The following PCDHGA7 variants were observed in gnomAD, a reference collection of about 807,000 sequenced individuals.
The protein encoded by PCDHGA7 is protocadherin gamma-A7.
A neutral mutation model predicts 58.3 loss-of-function variants in PCDHGA7; 44 were observed. That is an observed-to-expected ratio of 0.75 (90% CI 0.59 to 0.97). PCDHGA7 has a LOEUF of 0.97. Among genes scored for constraint, PCDHGA7 ranks in the 50% least tolerant of loss-of-function variants. The pLI, the probability that PCDHGA7 is intolerant of heterozygous loss-of-function variation, is 0.00. For missense variants in PCDHGA7, 1,266 were observed against 1,188.7 expected (o/e 1.06, Z -0.96); for synonymous variants, 516 against 504.2 (o/e 1.02, Z -0.31).
chr5:141,410,101 C>T, intron 1 of PCDHGA7: 1 of 1,612,490 alleles, frequency 6.2e-7, no homozygotes, highest in African/African-American at 1.3e-5. Flanking sequence ...GAGCCTTAGG[C>T]GACAGGGACG....
At chr5:141,414,861 T>C in intron 1 of PCDHGA7, 1 of 1,614,118 alleles carries the variant, frequency 6.2e-7, no homozygotes, top group Admixed American at 1.7e-5. Context: ...AGAACGACAA[T>C]GCGCCCGAGA....
chr5:141,482,923 AT>A (rs1193255251), intron 1 of PCDHGA7, among the ~76,000 whole-genome samples: 10 of 152,074 alleles, frequency 6.6e-5, no homozygotes, highest in Non-Finnish European at 1.5e-4. Context: ...AATACAAAAA[AT>A]TAGCCAGGTG....
intron 1 of PCDHGA7, chr5:141,424,652 G>T (rs1392693867): frequency 6.6e-6 from 1 of 152,120 alleles, no homozygotes; most frequent in East Asian, 1.9e-4. Context: ...AAGGTATTTG[G>T]ACTTTAATTA....
intron 1 of PCDHGA7, chr5:141,403,939 G>C: frequency 6.2e-7 from 1 of 1,613,852 alleles, no homozygotes; most frequent in Non-Finnish European, 8.5e-7. Context: ...GATTGAAAGG[G>C]TGGACAAAAG....
chr5:141,426,513 CG>C, intron 1 of PCDHGA7: 1 of 341,148 alleles, frequency 2.9e-6, no homozygotes, highest in Non-Finnish European at 5.8e-6. Flanking sequence ...AATACTTTAC[CG>C]TGAACACGGA....
intron 1 of PCDHGA7, among the ~76,000 whole-genome samples, chr5:141,475,511 A>T (rs1240718716): frequency 6.6e-6 from 1 of 152,240 alleles, no homozygotes; most frequent in African/African-American, 2.4e-5. Context: ...TAATGTCTCC[A>T]CGGAAATGCT....
chr5:141,458,888 T>C (rs756640295), intron 1 of PCDHGA7, among the ~76,000 whole-genome samples: 3 of 152,118 alleles, frequency 2.0e-5, no homozygotes, highest in Non-Finnish European at 2.9e-5. Flanking sequence ...ATGCACACCA[T>C]GCGCAGCTAA....
chr5:141,454,956 G>A (rs62379171), intron 1 of PCDHGA7, among the ~76,000 whole-genome samples: 5,077 of 149,940 alleles, frequency 0.034, 97 homozygotes, highest in Middle Eastern at 0.091. Context: ...TACAGGCGCC[G>A]GCCACCACGC....
chr5:141,400,465 T>G (rs769092002), intron 1 of PCDHGA7: 2 of 1,614,060 alleles, frequency 1.2e-6, no homozygotes, highest in Admixed American at 1.7e-5. Context: ...TTGTGGTGAT[T>G]CATCTGGGGC....
In PCDHGA7 at chr5:141,431,570, G is replaced by A. The variant is rs754760314; in HGVS notation, c.2424+46247G>A. 7 of 1,614,172 alleles carry A rather than the reference G, an allele frequency of 4.3e-6. No individual in the cohort carries two copies. Among genetic ancestry groups the A allele is most frequent in the Non-Finnish European group, 5.9e-6 (7 of 1,180,024 alleles). ...TGTAGTCAACGCTACCGACCCTGAC[G>A]AAGGAGTCAATGCGGAAGTGAGGTA... On this transcript the variant is annotated intron_variant, in intron 1 of 3. Transcript: ENST00000518325. The surrounding 1 kb of genome is among the most constrained non-coding windows in gnomAD (Gnocchi z 4.8).
intron 1 of PCDHGA7, among the ~76,000 whole-genome samples, chr5:141,387,464 C>T (rs2240699): frequency 0.55 from 83,096 of 152,122 alleles, 25,275 homozygotes; most frequent in African/African-American, 0.83. Context: ...CCTAAAAATC[C>T]TCAAAGTTGG....
At position 141,476,669 on chromosome 5, in the gene PCDHGA7, C is replaced by G; in HGVS notation, c.2425-18138C>G. ...AAATGAATACTTTGCGCTTCGCGTGCAGACGCGGGAGGACAGCACCAAGTA... is the reference window on the plus strand; with the variant it reads ...AAATGAATACTTTGCGCTTCGCGTGGAGACGCGGGAGGACAGCACCAAGTA... On this transcript the variant is annotated intron_variant, in intron 1 of 3. Coordinates refer to ENST00000518325, the MANE Select transcript of PCDHGA7 (RefSeq NM_018920.4). This position sits in a 1 kb window ranked among gnomAD's most constrained non-coding sequence, Gnocchi z 7.6. 6.2e-7 allele frequency: 1 copy of G among 1,614,246 alleles called. No individual in the cohort carries two copies. The highest frequency in any genetic ancestry group is 1.1e-5 in the South Asian group (1 of 91,086).
intron 1 of PCDHGA7, chr5:141,426,612 G>A (rs2096947310): frequency 2.6e-6 from 1 of 384,602 alleles, no homozygotes; most frequent in Non-Finnish European, 5.3e-6. Flanking sequence ...GATTGTAGCA[G>A]AGAATCCTCT....
chr5:141,459,947 A>T (rs2098978538), intron 1 of PCDHGA7, among the ~76,000 whole-genome samples: 1 of 152,200 alleles, frequency 6.6e-6, no homozygotes, highest in African/African-American at 2.4e-5. Context: ...GCGTGATGGC[A>T]GGTGCCTGTA....
At chr5:141,394,288 C>T in intron 1 of PCDHGA7, 1 of 1,613,944 alleles carries the variant, frequency 6.2e-7, no homozygotes, top group Non-Finnish European at 8.5e-7. Flanking sequence ...TACTCTGTGA[C>T]CGAGGACACG....
intron 1 of PCDHGA7, chr5:141,414,152 A>G (rs1251267001): frequency 1.9e-6 from 3 of 1,600,994 alleles, no homozygotes; most frequent in Non-Finnish European, 2.6e-6. Context: ...ATACAAGCAG[A>G]AGATGGAGGA....
chr5:141,444,589 C>A (rs1198742574), intron 1 of PCDHGA7, among the ~76,000 whole-genome samples: 1 of 152,068 alleles, frequency 6.6e-6, no homozygotes, highest in Non-Finnish European at 1.5e-5. Context: ...TTTCTACTTA[C>A]CTTATTTAAA....
At chr5:141,390,859 T>C (rs951468573) in intron 1 of PCDHGA7, 3 of 151,114 alleles carry the variant, frequency 2.0e-5, no homozygotes, top group Admixed American at 1.3e-4. Flanking sequence ...CAGTGTACGC[T>C]GTGTGTGCGT....
At chr5:141,447,657 C>A (rs997179275) in intron 1 of PCDHGA7, among the ~76,000 whole-genome samples, 4 of 152,088 alleles carry the variant, frequency 2.6e-5, no homozygotes, top group Non-Finnish European at 4.4e-5. Context: ...TTTTCCCCCC[C>A]AGGAAGTTAG....
Sources: allele counts gnomAD v4.1 joint callset (sites outside exome capture counted in the v4.1 genomes callset), GRCh38; gene constraint gnomAD v4.1.1; non-coding constraint Gnocchi (gnomAD v3.1); transcripts MANE v1.5; gene names NCBI Gene and HGNC (gene_info 2026-07-23, HGNC 2026-07-21).